Variants in ADGRD1 observed in about 807,000 individuals in gnomAD.
ADGRD1 encodes adhesion G protein-coupled receptor D1.
Under a neutral mutation model 113.4 loss-of-function variants are expected in ADGRD1, and 77 were observed. That is an observed-to-expected ratio of 0.68 (90% CI 0.57 to 0.82). The LOEUF (loss-of-function observed/expected upper bound fraction) is 0.82. ADGRD1 is among the 40% of genes least tolerant of loss of function. ADGRD1 has a pLI of 0.00. For missense variants in ADGRD1, 1,036 were observed against 1,139.1 expected, an observed-to-expected ratio of 0.91 and a Z score of 1.30; for synonymous variants, 474 against 475.0, an observed-to-expected ratio of 1.00 and a Z score of 0.03.
intron 11 of ADGRD1, 27 bp downstream of exon 11, chr12:131,004,323 T>G (rs1876812424): frequency 1.3e-6 from 2 of 1,497,768 alleles, no homozygotes; most frequent in Non-Finnish European, 1.9e-6. Context: ...TGGACTCCCT[T>G]CCGGGGCGGC....
At position 131,065,895 on chromosome 12, in the gene ADGRD1, G is replaced by A. The variant is rs777933920; in HGVS notation, c.1474-10906G>A. Among the ~76,000 whole-genome samples, 3 of 152,188 alleles carry A rather than the reference G, an allele frequency of 2.0e-5. 1 individual carries two copies. Among genetic ancestry groups the A allele is most frequent in the Admixed American group, 1.3e-4 (2 of 15,284 alleles). ...CATCTCCCAGGTTAGGGCCCTCTCC[G>A]GGGGTGGAGGAAGAGACCTGGCTCA... On this transcript the variant is annotated intron_variant, in intron 13 of 24. Coordinates refer to ENST00000261654, the MANE Select transcript of ADGRD1 (RefSeq NM_198827.5).
intron 10 of ADGRD1, 41 bp from the exon 11 acceptor site, chr12:131,004,145 G>A (rs949556070): frequency 2.3e-6 from 3 of 1,281,948 alleles, no homozygotes; most frequent in Admixed American, 3.4e-5. Flanking sequence ...CAGCCTGTGA[G>A]CTCTGACGGG....
intron 13 of ADGRD1, among the ~76,000 whole-genome samples, chr12:131,056,290 T>G (rs1003240160): frequency 6.6e-6 from 1 of 152,250 alleles, no homozygotes; most frequent in African/African-American, 2.4e-5. Flanking sequence ...TTGCCGGCTA[T>G]AGGGGAAAAT....
At chr12:131,078,231 A>G (rs1189528630) in intron 14 of ADGRD1, among the ~76,000 whole-genome samples, 2 of 152,180 alleles carry the variant, frequency 1.3e-5, no homozygotes, top group African/African-American at 4.8e-5. Flanking sequence ...GGTCGGCATA[A>G]TCTCCCTTTA....
At chr12:131,083,641 G>C (rs1886234602) in intron 14 of ADGRD1, among the ~76,000 whole-genome samples, 1 of 152,096 alleles carries the variant, frequency 6.6e-6, no homozygotes, top group African/African-American at 2.4e-5. Context: ...AAAATATAGA[G>C]AAATGTAGAG....
intron 13 of ADGRD1, among the ~76,000 whole-genome samples, chr12:131,036,625 A>AGGCCTCACTCACGGCACGG (rs1566051955): frequency 5.8e-5 from 6 of 104,262 alleles, no homozygotes; most frequent in Non-Finnish European, 8.1e-5. Context: ...TCACCGCACC[A>AGGCCTCACTCACGGCACGG]GGCCTCACTC....
Position 131,003,306 on chromosome 12 carries a change from G to A in ADGRD1, c.1144+4G>A. ...GAGGGCTCCTCTGCCATGGCAGGTA[G>A]CTGTCGCTTGTAAGGGTGAGCCACA... On this transcript the variant is annotated splice_donor_region_variant and intron_variant, in intron 10 of 24. Coordinates refer to ENST00000261654, the MANE Select transcript of ADGRD1 (RefSeq NM_198827.5). This position sits in a 1 kb window ranked among gnomAD's most constrained non-coding sequence, Gnocchi z 4.8. 6.2e-7 allele frequency: 1 copy of A among 1,602,804 alleles called. No homozygotes were observed.
At chr12:130,956,579 A>T (rs991007375) in intron 2 of ADGRD1, 3 of 152,200 alleles carry the variant, frequency 2.0e-5, no homozygotes, top group African/African-American at 7.2e-5. Flanking sequence ...AGTAGGGGAG[A>T]GGACTGAGAG....
Position 130,971,605 on chromosome 12 carries a change from C to G in ADGRD1, c.310+25C>G, listed in dbSNP as rs549291724. 1 of 1,578,798 alleles carries G rather than the reference C, an allele frequency of 6.3e-7. No homozygotes were observed. The highest frequency in any genetic ancestry group is 8.6e-7 in the Non-Finnish European group (1 of 1,162,360). ...GGTGAGTGGCTGATCCCTGCGGCAT[C>G]TTTGTCAAGCATTTCATTCTCAGGG... On this transcript the variant is annotated intron_variant, in intron 4 of 24. Transcript: ENST00000261654. The surrounding 1 kb of genome is among the most constrained non-coding windows in gnomAD (Gnocchi z 4.2).
Position 130,984,677 on chromosome 12 carries a change from C to T in ADGRD1, c.491-2418C>T, listed in dbSNP as rs748264783. On this transcript the variant is annotated intron_variant, in intron 5 of 24. Transcript: ENST00000261654. This position sits in a 1 kb window ranked among gnomAD's most constrained non-coding sequence, Gnocchi z 4.1. ...CATAGTTCACATTAGCATTTGCTCT[C>T]GGTGTTGTACATTCTATGGGTTGGT... Among the ~76,000 whole-genome samples the T allele has an allele frequency of 2.0e-5, 3 of 152,090 alleles. No homozygotes were observed. Among genetic ancestry groups the T allele is most frequent in the South Asian group, 2.1e-4 (1 of 4,804 alleles).
At chr12:131,121,819 C>T (rs1367516274) in intron 20 of ADGRD1, 2 of 152,322 alleles carry the variant, frequency 1.3e-5, no homozygotes, top group Admixed American at 6.5e-5. Flanking sequence ...CGGATGGAAA[C>T]GGAGGCTTTT....
intron 8 of ADGRD1, among the ~76,000 whole-genome samples, chr12:130,999,582 A>C (rs1169164304): frequency 1.3e-5 from 2 of 152,238 alleles, no homozygotes; most frequent in East Asian, 3.8e-4. Flanking sequence ...GAGTTCGGTC[A>C]GCCTCTAAGT....
chr12:131,042,454 G>A (rs1882232786), intron 13 of ADGRD1, among the ~76,000 whole-genome samples: 1 of 152,216 alleles, frequency 6.6e-6, no homozygotes, highest in South Asian at 2.1e-4. Flanking sequence ...TTTGTTGAAT[G>A]AATGAATGAA....
chr12:131,126,519 C>A (rs1332219588), intron 20 of ADGRD1, among the ~76,000 whole-genome samples: 1 of 152,126 alleles, frequency 6.6e-6, no homozygotes, highest in Non-Finnish European at 1.5e-5. Flanking sequence ...CCTGTATAGC[C>A]CTTTCATTGT....
At chr12:131,089,646 G>T (rs558954383) in intron 15 of ADGRD1, among the ~76,000 whole-genome samples, 2 of 152,168 alleles carry the variant, frequency 1.3e-5, no homozygotes, top group African/African-American at 2.4e-5. Context: ...AGTGCTCCTT[G>T]CCTGGAAGGT....
At chr12:131,098,995 C>T (rs1566108139) in intron 15 of ADGRD1, among the ~76,000 whole-genome samples, 1 of 152,356 alleles carries the variant, frequency 6.6e-6, no homozygotes, top group East Asian at 1.9e-4. Flanking sequence ...TGTCCACTCA[C>T]AGGCTTGCTC....
chr12:131,105,063 C>A, intron 16 of ADGRD1, 129 bp downstream of exon 16: 1 of 674,778 alleles, frequency 1.5e-6, no homozygotes, highest in Admixed American at 3.0e-5. Flanking sequence ...CTGGAAAGGT[C>A]TGGAAAGGCC....
chr12:130,991,297 T>TCAG (rs1238364769), intron 7 of ADGRD1, among the ~76,000 whole-genome samples: 15 of 152,206 alleles, frequency 9.9e-5, no homozygotes, highest in Non-Finnish European at 7.4e-5. Context: ...ACCAGGAACC[T>TCAG]CAGGTGCCCA....
intron 18 of ADGRD1, among the ~76,000 whole-genome samples, chr12:131,114,002 C>T (rs747394983): frequency 8.5e-5 from 13 of 152,308 alleles, no homozygotes; most frequent in South Asian, 2.1e-4. Flanking sequence ...CGCACACACA[C>T]GCACACACAC....
Sources: allele counts gnomAD v4.1 joint callset (sites outside exome capture counted in the v4.1 genomes callset), GRCh38; gene constraint gnomAD v4.1.1; non-coding constraint Gnocchi (gnomAD v3.1); transcripts MANE v1.5; gene names NCBI Gene and HGNC (gene_info 2026-07-23, HGNC 2026-07-21).